SH3BGRL: variants seen among roughly 807,000 people sequenced by gnomAD.
SH3BGRL encodes the protein SH3 domain binding glutamate rich protein like, also known as adapter SH3BGRL.
Under a neutral mutation model 9.8 loss-of-function variants are expected in SH3BGRL, and 7 were observed. The observed-to-expected ratio is 0.72, with a 90% CI of 0.41 to 1.35. The LOEUF is 1.35. Ranked by LOEUF, SH3BGRL falls within the 40% of genes most tolerant of loss-of-function variation. The pLI, the probability that SH3BGRL is intolerant of heterozygous loss-of-function variation, is 0.01. For missense variants in SH3BGRL, 73 were observed against 84.4 expected, an observed-to-expected ratio of 0.86 and a Z score of 0.53; for synonymous variants, 36 against 29.1, an observed-to-expected ratio of 1.24 and a Z score of -0.76.
At chrX:81,249,183 C>T (rs1428633071) in intron 1 of SH3BGRL, among the ~76,000 whole-genome samples, 2 of 112,390 alleles carry the variant, frequency 1.8e-5, no homozygotes, top group Non-Finnish European at 3.8e-5. Context: ...ACACCTAGAA[C>T]AAGTGTCAAG....
At chrX:81,223,019 T>C (rs1165786168) in intron 1 of SH3BGRL, among the ~76,000 whole-genome samples, 2 of 111,937 alleles carry the variant, frequency 1.8e-5, no homozygotes, top group East Asian at 5.6e-4. Context: ...TTGATGGGGT[T>C]GTTTGTTTTT....
At chrX:81,254,727 A>G (rs1487441701) in intron 1 of SH3BGRL, among the ~76,000 whole-genome samples, 1 of 111,621 alleles carries the variant, frequency 9.0e-6, no homozygotes, top group East Asian at 2.8e-4. Flanking sequence ...GAGGGTGACC[A>G]GGGAAATGCA....
chrX:81,209,953 C>T, intron 1 of SH3BGRL, among the ~76,000 whole-genome samples: 1 of 111,400 alleles, frequency 9.0e-6, no homozygotes, highest in South Asian at 3.8e-4. Flanking sequence ...TGGCTATAGA[C>T]CAACATAATT....
At chrX:81,282,932 C>T (rs1004906749) in intron 3 of SH3BGRL, among the ~76,000 whole-genome samples, 12 of 111,724 alleles carry the variant, frequency 1.1e-4, no homozygotes, top group African/African-American at 3.9e-4. Context: ...CAAGATTAAC[C>T]AAGAAAAGAA....
At chrX:81,214,016 C>T (rs928788329) in intron 1 of SH3BGRL, among the ~76,000 whole-genome samples, 1 of 111,951 alleles carries the variant, frequency 8.9e-6, no homozygotes, top group African/African-American at 3.2e-5. Context: ...GAGCTGAAAA[C>T]AAAGACAGGA....
At chrX:81,283,593 A>G (rs1337636526) in intron 3 of SH3BGRL, among the ~76,000 whole-genome samples, 1 of 112,107 alleles carries the variant, frequency 8.9e-6, no homozygotes, top group East Asian at 2.8e-4. Flanking sequence ...ATAGATGCAG[A>G]AAAAGCATTC....
chrX:81,286,595 A>T (rs1285661799), intron 3 of SH3BGRL, among the ~76,000 whole-genome samples: 1 of 109,121 alleles, frequency 9.2e-6, no homozygotes, highest in Non-Finnish European at 1.9e-5. Context: ...CACCTCAGGT[A>T]CATCTCATTT....
At chrX:81,250,839 T>C (rs1396797405) in intron 1 of SH3BGRL, among the ~76,000 whole-genome samples, 1 of 112,134 alleles carries the variant, frequency 8.9e-6, no homozygotes, top group Non-Finnish European at 1.9e-5. Context: ...TAGGCAGTCA[T>C]TGAATGTATC....
intron 1 of SH3BGRL, among the ~76,000 whole-genome samples, chrX:81,234,323 AT>A (rs1332712063): frequency 8.9e-6 from 1 of 112,298 alleles, no homozygotes. Flanking sequence ...TAAAATACAG[AT>A]GATGAAATGG....
chrX:81,231,960 C>A (rs750546941), intron 1 of SH3BGRL, among the ~76,000 whole-genome samples: 13 of 111,100 alleles, frequency 1.2e-4, no homozygotes, highest in East Asian at 2.8e-4. Flanking sequence ...GTGTTTCTCT[C>A]TATATATATA....
At chrX:81,251,780 A>G (rs1355929677) in intron 1 of SH3BGRL, among the ~76,000 whole-genome samples, 1 of 112,346 alleles carries the variant, frequency 8.9e-6, no homozygotes, top group Admixed American at 9.5e-5. Flanking sequence ...CTGTGGAACC[A>G]GAACTAACCT....
intron 1 of SH3BGRL, among the ~76,000 whole-genome samples, chrX:81,247,315 T>C (rs955726255): frequency 2.7e-5 from 3 of 112,163 alleles, no homozygotes; most frequent in African/African-American, 9.7e-5. Context: ...CTTGCCTGAT[T>C]GCTCTGGCCA....
intron 1 of SH3BGRL, among the ~76,000 whole-genome samples, chrX:81,202,969 A>C (rs773495732): frequency 4.5e-5 from 5 of 111,761 alleles, no homozygotes; most frequent in Non-Finnish European, 9.4e-5. Flanking sequence ...TATATTGAGA[A>C]CTGGATAGGG....
At chrX:81,205,818 T>A (rs2075545816) in intron 1 of SH3BGRL, among the ~76,000 whole-genome samples, 1 of 110,755 alleles carries the variant, frequency 9.0e-6, no homozygotes, top group Non-Finnish European at 1.9e-5. Flanking sequence ...GCTGTACTAA[T>A]TTACATTCCC....
chrX:81,237,341 G>A, intron 1 of SH3BGRL: 1 of 314,774 alleles, frequency 3.2e-6, no homozygotes, highest in Non-Finnish European at 6.1e-6. Flanking sequence ...TGAAAAGGTA[G>A]AAAAAACAGT....
intron 3 of SH3BGRL, among the ~76,000 whole-genome samples, chrX:81,294,780 G>T (rs1273530116): frequency 1.8e-5 from 2 of 111,811 alleles, no homozygotes; most frequent in East Asian, 2.8e-4. Flanking sequence ...CTGTGAAAAG[G>T]TCTGGGAGGG....
At chrX:81,294,032 A>G (rs1310763621) in intron 3 of SH3BGRL, among the ~76,000 whole-genome samples, 3 of 111,963 alleles carry the variant, frequency 2.7e-5, no homozygotes, top group African/African-American at 9.7e-5. Flanking sequence ...TAAAGCATTC[A>G]AGAGGTGACT....
intron 1 of SH3BGRL, among the ~76,000 whole-genome samples, chrX:81,246,742 C>T (rs1014484336): frequency 3.6e-5 from 4 of 110,645 alleles, no homozygotes; most frequent in African/African-American, 3.3e-5. Flanking sequence ...TCAGATAATG[C>T]GACGCTTCTG....
chrX:81,224,365 C>T (rs1055585538), intron 1 of SH3BGRL, among the ~76,000 whole-genome samples: 5 of 111,189 alleles, frequency 4.5e-5, no homozygotes, highest in African/African-American at 1.3e-4. Flanking sequence ...CCAGTCACCA[C>T]GTAAGAAAGA....
Sources: gnomAD v4.1 joint callset for allele counts (sites outside exome capture counted in the v4.1 genomes callset) on GRCh38, gnomAD v4.1.1 for gene constraint, MANE v1.5 for transcripts, NCBI Gene and HGNC (gene_info 2026-07-23, HGNC 2026-07-21) for gene names.